The following ARHGAP24 variants were observed in gnomAD, a reference collection of about 807,000 sequenced individuals.
ARHGAP24 encodes the protein rho GTPase-activating protein 24.
In ARHGAP24, 50 loss-of-function variants were observed where a neutral mutation model predicts 76.4. That is an observed-to-expected ratio of 0.65 (90% CI 0.52 to 0.83). ARHGAP24 has a LOEUF of 0.83. Ranked by LOEUF, ARHGAP24 falls within the 40% of genes least tolerant of loss-of-function variation. The pLI is 0.00. For missense variants in ARHGAP24, 930 were observed against 914.2 expected, an observed-to-expected ratio of 1.02 and a Z score of -0.22; for synonymous variants, 345 against 323.3, an observed-to-expected ratio of 1.07 and a Z score of -0.72.
At chr4:85,790,696 A>G in intron 3 of ARHGAP24, among the ~76,000 whole-genome samples, 1 of 152,216 alleles carries the variant, frequency 6.6e-6, no homozygotes, top group East Asian at 1.9e-4. Context: ...ACAAGTAGTC[A>G]TCACATATGG....
intron 1 of ARHGAP24, among the ~76,000 whole-genome samples, chr4:85,553,048 A>G (rs946178513): frequency 6.6e-6 from 1 of 151,936 alleles, no homozygotes; most frequent in African/African-American, 2.4e-5. Context: ...TTGTTGTCTC[A>G]CTAGCTTCAG....
intron 1 of ARHGAP24, among the ~76,000 whole-genome samples, chr4:85,517,763 T>C (rs1035912186): frequency 1.3e-5 from 2 of 152,158 alleles, no homozygotes; most frequent in African/African-American, 4.8e-5. Context: ...ATTTTGACTT[T>C]TAGGTTGAAA....
chr4:85,982,552 A>AAC (rs1175478513), intron 8 of ARHGAP24, among the ~76,000 whole-genome samples: 1 of 152,094 alleles, frequency 6.6e-6, no homozygotes, highest in Non-Finnish European at 1.5e-5. Context: ...ACAGCAACCA[A>AAC]ACTTTCAGGA....
intron 3 of ARHGAP24, among the ~76,000 whole-genome samples, chr4:85,738,129 C>T (rs1725671447): frequency 1.3e-5 from 2 of 152,038 alleles, no homozygotes; most frequent in South Asian, 4.1e-4. Flanking sequence ...CCATGTTGGC[C>T]AGGCTCGTCT....
chr4:85,944,635 C>T (rs1737147875), intron 5 of ARHGAP24, among the ~76,000 whole-genome samples: 1 of 152,084 alleles, frequency 6.6e-6, no homozygotes, highest in African/African-American at 2.4e-5. Flanking sequence ...GTCATGAAGT[C>T]TTTGTCTGGG....
chr4:85,700,638 A>G (rs1422862208), intron 2 of ARHGAP24, among the ~76,000 whole-genome samples: 1 of 152,102 alleles, frequency 6.6e-6, no homozygotes, highest in Admixed American at 6.6e-5. Context: ...GTTTGTGGTC[A>G]CTTAATGTTG....
chr4:85,960,008 T>C (rs561579716), intron 5 of ARHGAP24, among the ~76,000 whole-genome samples: 4 of 152,280 alleles, frequency 2.6e-5, no homozygotes, highest in Admixed American at 1.3e-4. Flanking sequence ...CTCTAACTCA[T>C]AGTGTAAGAC....
At chr4:85,568,279 G>A (rs1247837390) in intron 1 of ARHGAP24, among the ~76,000 whole-genome samples, 2 of 148,368 alleles carry the variant, frequency 1.3e-5, no homozygotes, top group Non-Finnish European at 3.0e-5. Context: ...GTTGTGCAAT[G>A]AATTCTAGAT....
intron 5 of ARHGAP24, among the ~76,000 whole-genome samples, chr4:85,955,597 G>T (rs1322388809): frequency 6.6e-6 from 1 of 152,070 alleles, no homozygotes. Flanking sequence ...TCTCCACATG[G>T]CATTCATCTC....
At chr4:85,910,225 G>A (rs1265419992) in intron 3 of ARHGAP24, among the ~76,000 whole-genome samples, 2 of 152,218 alleles carry the variant, frequency 1.3e-5, no homozygotes, top group East Asian at 1.9e-4. Flanking sequence ...ACCCCAAAGA[G>A]GGAGTCACAG....
intron 3 of ARHGAP24, among the ~76,000 whole-genome samples, chr4:85,775,397 A>G (rs1244518871): frequency 6.6e-6 from 1 of 152,180 alleles, no homozygotes; most frequent in Non-Finnish European, 1.5e-5. Context: ...AAAGAGGTTT[A>G]ATGGACTCAC....
At position 85,744,970 on chromosome 4, in the gene ARHGAP24, C is replaced by T. The variant is rs545591186; in HGVS notation, c.268+22998C>T. ...AGCTAGACAAGTCTAAATGTGCCCT[C>T]CATTTTCAGAAGCCTTCTTTAATCC... is the stretch of plus-strand genomic sequence containing the variant. On this transcript the variant is annotated intron_variant, in intron 3 of 9. Coordinates refer to ENST00000395184, the MANE Select transcript of ARHGAP24 (RefSeq NM_001025616.3). Among the ~76,000 whole-genome samples the T allele has an allele frequency of 3.3e-5, 5 of 152,258 alleles. No homozygotes were observed. The South Asian group carries it at 1.0e-3, about 32-fold the overall frequency.
At position 85,977,570 on chromosome 4, in the gene ARHGAP24, A is replaced by G. The variant is rs1454373091; in HGVS notation, c.807A>G (p.Arg269=). Residue 269 remains arginine (R), a splice_region_variant and synonymous_variant, in exon 8 of 10, where the codon AGA becomes AGG. Coordinates refer to ENST00000395184, the MANE Select transcript of ARHGAP24 (RefSeq NM_001025616.3). ...TCAATCATATGCTTATACTCCATAG[A>G]TTCTTGGATGAAGTACAGTCCTACT... The part of the protein sequence containing the change: ...VNYNLLKYIC[R]FLDEVQSYSG... 1 of 1,613,334 alleles carries G rather than the reference A, an allele frequency of 6.2e-7. No individual in the cohort carries two copies. Among genetic ancestry groups the G allele is most frequent in the Non-Finnish European group, 8.5e-7 (1 of 1,179,626 alleles).
chr4:85,753,995 A>G (rs1424088430), intron 3 of ARHGAP24, among the ~76,000 whole-genome samples: 1 of 152,190 alleles, frequency 6.6e-6, no homozygotes, highest in Non-Finnish European at 1.5e-5. Flanking sequence ...ATTGCCCTCT[A>G]TTGAATACTA....
At chr4:85,863,715 A>C (rs1732030220) in intron 3 of ARHGAP24, among the ~76,000 whole-genome samples, 1 of 152,112 alleles carries the variant, frequency 6.6e-6, no homozygotes, top group African/African-American at 2.4e-5. Flanking sequence ...GGAACCTTGA[A>C]TTGTCAAACT....
intron 3 of ARHGAP24, among the ~76,000 whole-genome samples, chr4:85,744,990 T>G (rs1725971975): frequency 6.6e-6 from 1 of 152,138 alleles, no homozygotes; most frequent in Non-Finnish European, 1.5e-5. Flanking sequence ...AAGCCTTCTT[T>G]AATCCAGTCT....
intron 3 of ARHGAP24, among the ~76,000 whole-genome samples, chr4:85,811,048 T>G (rs1260408404): frequency 6.6e-6 from 1 of 152,154 alleles, no homozygotes; most frequent in Non-Finnish European, 1.5e-5. Flanking sequence ...GGCTCAACTA[T>G]AGTTAACAGA....
At chr4:85,888,185 G>C (rs936876709) in intron 3 of ARHGAP24, among the ~76,000 whole-genome samples, 1 of 152,048 alleles carries the variant, frequency 6.6e-6, no homozygotes, top group Non-Finnish European at 1.5e-5. Flanking sequence ...GGTGGATCAC[G>C]AGGTCAGGAG....
chr4:85,490,860 T>C (rs1723326144), intron 1 of ARHGAP24, among the ~76,000 whole-genome samples: 1 of 152,180 alleles, frequency 6.6e-6, no homozygotes, highest in Non-Finnish European at 1.5e-5. Flanking sequence ...ATTGTAGAAT[T>C]TATTAATAAA....
Sources: allele counts gnomAD v4.1 joint callset (sites outside exome capture counted in the v4.1 genomes callset), GRCh38; gene constraint gnomAD v4.1.1; transcripts MANE v1.5; gene names NCBI Gene and HGNC (gene_info 2026-07-23, HGNC 2026-07-21).